The following BEGAIN variants were observed in gnomAD, a reference collection of about 807,000 sequenced individuals.
The protein encoded by BEGAIN is brain enriched guanylate kinase associated.
BEGAIN carries 19 observed loss-of-function variants against 35.8 expected under a neutral mutation model. That is an observed-to-expected ratio of 0.53 (90% CI 0.37 to 0.78). The LOEUF is 0.78. Among genes scored for constraint, BEGAIN ranks in the 30% least tolerant of loss-of-function variants. BEGAIN has a pLI of 0.00. For missense variants in BEGAIN, 795 were observed against 853.6 expected, an observed-to-expected ratio of 0.93 and a Z score of 0.85; for synonymous variants, 462 against 388.6, an observed-to-expected ratio of 1.19 and a Z score of -2.22.
chr14:100,561,519 C>A (rs1288563809), intron 2 of BEGAIN, among the ~76,000 whole-genome samples: 1 of 152,114 alleles, frequency 6.6e-6, no homozygotes, highest in Non-Finnish European at 1.5e-5. Flanking sequence ...GAGGCCGAGG[C>A]AGGAGGATCA....
chr14:100,559,913 G>A (rs1034109719), intron 2 of BEGAIN, among the ~76,000 whole-genome samples: 6 of 152,242 alleles, frequency 3.9e-5, no homozygotes, highest in Non-Finnish European at 7.3e-5. Flanking sequence ...GGGAGGCGCC[G>A]GGGCCGAGGA....
chr14:100,560,262 C>T (rs1007948980), intron 2 of BEGAIN, among the ~76,000 whole-genome samples: 5 of 152,298 alleles, frequency 3.3e-5, no homozygotes, highest in Non-Finnish European at 7.4e-5. Flanking sequence ...ATCATCCCGG[C>T]GGCCCTACCG....
intron 1 of BEGAIN, among the ~76,000 whole-genome samples, chr14:100,582,068 A>AG (rs1477130217): frequency 1.3e-5 from 2 of 152,258 alleles, no homozygotes; most frequent in African/African-American, 4.8e-5. Context: ...GCCGCAGCAT[A>AG]GGCCAGCAGA....
intron 1 of BEGAIN, among the ~76,000 whole-genome samples, chr14:100,570,830 C>G (rs1358060885): frequency 6.6e-6 from 1 of 152,210 alleles, no homozygotes; most frequent in African/African-American, 2.4e-5. Flanking sequence ...TTTCGTGAGA[C>G]CCTTACTACG....
Position 100,568,572 on chromosome 14 carries a change from T to A in BEGAIN, c.43-633A>T. 2 of 1,238,570 alleles carry A rather than the reference T, an allele frequency of 1.6e-6. No individual in the cohort carries two copies. The highest frequency in any genetic ancestry group is 2.1e-6 in the Non-Finnish European group (2 of 950,214). The allele number at this position is 1,238,570 out of a possible 1,614,324, so 76.7% of individuals were successfully genotyped here. On this transcript the variant is annotated intron_variant, in intron 1 of 6. Coordinates refer to ENST00000554140, the MANE Select transcript of BEGAIN (RefSeq NM_001385089.1). The surrounding 1 kb of genome is among the most constrained non-coding windows in gnomAD (Gnocchi z 7.5). The stretch of plus-strand genomic sequence containing the variant: ...AGGGATTAACCCGTGAGCGCCCGGC[T>A]CGCCGGCGGGGCTCCCTGCCTTGCT...
Position 100,546,623 on chromosome 14 carries a change from C to G in BEGAIN, c.111G>C (p.Leu37=), listed in dbSNP as rs1259253714. 6.3e-7 allele frequency: 1 copy of G among 1,585,148 alleles called. No individual in the cohort carries two copies. The highest frequency in any genetic ancestry group is 8.5e-7 in the Non-Finnish European group (1 of 1,169,828). Residue 37 remains leucine, a synonymous_variant, in exon 3 of 7, where the codon CTG becomes CTC. Transcript: ENST00000554140. ...QEQKGELRKR[L]SYTTHKLEKL... ...TCTCGAGCTTGTGTGTGGTGTAGGA[C>G]AGCCGCTTGCGCAGCTCGCCCTTCT...
At chr14:100,546,778 GCGCACACA>G (rs67458771) in intron 2 of BEGAIN, 116 bp from the exon 3 acceptor site, 6,224 of 541,208 alleles carry the variant, frequency 0.012, 24 homozygotes, top group Middle Eastern at 0.031. Context: ...GCGCGCGCGC[GCGCACACA>G]CACACACACA....
intron 2 of BEGAIN, among the ~76,000 whole-genome samples, chr14:100,566,514 TC>T (rs573918233): frequency 6.6e-6 from 1 of 151,614 alleles, no homozygotes; most frequent in Non-Finnish European, 1.5e-5. Context: ...CAGTGTTTCC[TC>T]CCCCCCACAG....
rs1184886261 is a variant in BEGAIN, at chr14:100,567,302, A to C, written c.71+609T>G. Among the ~76,000 whole-genome samples, 1 of 152,158 alleles carries C rather than the reference A, an allele frequency of 6.6e-6. No homozygotes were observed. Among genetic ancestry groups the C allele is most frequent in the Non-Finnish European group, 1.5e-5 (1 of 68,002 alleles). The stretch of plus-strand genomic sequence containing the variant: ...GGTCCCGTGAAGTCTACCAAGGCTT[A>C]AAGTTTGGCACCGGGAGGGAGGCCG... On this transcript the variant is annotated intron_variant, in intron 2 of 6. Coordinates refer to ENST00000554140, the MANE Select transcript of BEGAIN (RefSeq NM_001385089.1). This position sits in a 1 kb window ranked among gnomAD's most constrained non-coding sequence, Gnocchi z 5.1.
In BEGAIN at chr14:100,543,936, C is replaced by A; in HGVS notation, c.330G>T (p.Ala110=). The change falls in exon 5 of 7, where the codon GCG becomes GCT. Residue 110 remains alanine (A), a synonymous_variant. Transcript: ENST00000554140. ...MGQHYEEEKR[A]LSHEIVALNS... is the part of the protein sequence containing the mutation. ...TGAGGGCAACAATCTCGTGGCTCAGCGCACGCTTCTCCTCCTCATAGTGCT... is the reference window on the plus strand; with the variant it reads ...TGAGGGCAACAATCTCGTGGCTCAGAGCACGCTTCTCCTCCTCATAGTGCT... The A allele has an allele frequency of 6.2e-7, 1 of 1,612,406 alleles. No homozygotes were observed. The highest frequency in any genetic ancestry group is 8.5e-7 in the Non-Finnish European group (1 of 1,179,400).
At chr14:100,550,696 G>T (rs945607367) in intron 2 of BEGAIN, among the ~76,000 whole-genome samples, 1 of 152,152 alleles carries the variant, frequency 6.6e-6, no homozygotes, top group Non-Finnish European at 1.5e-5. Flanking sequence ...GGGGATGTGG[G>T]TACCAGAGAA....
chr14:100,584,465 C>T (rs992226606), intron 1 of BEGAIN, among the ~76,000 whole-genome samples: 2 of 152,140 alleles, frequency 1.3e-5, no homozygotes, highest in South Asian at 4.1e-4. Context: ...ACTGTGGACT[C>T]GTGGAGGGCA....
chr14:100,583,795 C>G (rs2035376551), intron 1 of BEGAIN, among the ~76,000 whole-genome samples: 1 of 148,250 alleles, frequency 6.7e-6, no homozygotes, highest in Non-Finnish European at 1.5e-5. Flanking sequence ...CTCCTGGGTT[C>G]AAGCAATTCT....
At chr14:100,546,436 G>A (rs1193390470) in intron 3 of BEGAIN, 65 bp downstream of exon 3, 2 of 75,662 alleles carry the variant, frequency 2.6e-5, no homozygotes, top group Non-Finnish European at 4.3e-5. Flanking sequence ...CCCGGCCCTC[G>A]CCCCGCCCCG....
intron 2 of BEGAIN, chr14:100,550,614 G>C (rs1290008729): frequency 1.3e-5 from 5 of 397,874 alleles, no homozygotes; most frequent in Non-Finnish European, 2.2e-5. Flanking sequence ...CCTTGGCTGA[G>C]ACCGAGAGAG....
chr14:100,570,496 G>A (rs903790388), intron 1 of BEGAIN, among the ~76,000 whole-genome samples: 2 of 152,228 alleles, frequency 1.3e-5, no homozygotes, highest in African/African-American at 4.8e-5. Flanking sequence ...TATCCTCCAT[G>A]CGGCCCTCTG....
chr14:100,580,844 G>C (rs1176556931), intron 1 of BEGAIN, among the ~76,000 whole-genome samples: 1 of 152,190 alleles, frequency 6.6e-6, no homozygotes, highest in Non-Finnish European at 1.5e-5. Flanking sequence ...GGTTCAGGCT[G>C]TCAGTTCACA....
At position 100,573,480 on chromosome 14, in the gene BEGAIN, G is replaced by A. The variant is rs2035134979; in HGVS notation, c.43-5541C>T. On this transcript the variant is annotated intron_variant, in intron 1 of 6. Transcript: ENST00000554140. The surrounding 1 kb of genome is among the most constrained non-coding windows in gnomAD (Gnocchi z 4.2). ...GCCATGAGGTGGATGGGAGCCCCTG[G>A]AGGGATGAATGGGGGCGTCTCTGGC... is the stretch of plus-strand genomic sequence containing the variant. Among the ~76,000 whole-genome samples the A allele has an allele frequency of 6.6e-6, 1 of 152,132 alleles. No homozygotes were observed. The highest frequency in any genetic ancestry group is 2.1e-4 in the South Asian group (1 of 4,828).
In BEGAIN at chr14:100,538,220, G is replaced by C; in HGVS notation, c.1588C>G (p.Pro530Ala). Residue 530 changes from proline to alanine, a missense_variant, in exon 7 of 7, where the codon CCC (proline) becomes GCC (alanine). Pro to Ala is a conservative substitution (Grantham distance 27). This residue lies in a region of BEGAIN where 664 missense variants were observed against 647.7 expected (regional missense o/e 1.03). Coordinates refer to ENST00000554140, the MANE Select transcript of BEGAIN (RefSeq NM_001385089.1). ...LSPGRSADPL[P>A]GYAPSEGGDG... ...CCCCCCTCGCTGGGTGCATAGCCGG[G>C]CAGTGGGTCAGCCGAGCGGCCGGGA... The C allele has an allele frequency of 1.3e-6, 2 of 1,567,448 alleles. No homozygotes were observed. The highest frequency in any genetic ancestry group is 1.7e-6 in the Non-Finnish European group (2 of 1,162,744).
Sources: allele counts gnomAD v4.1 joint callset (sites outside exome capture counted in the v4.1 genomes callset), GRCh38; gene constraint gnomAD v4.1.1; regional missense constraint gnomAD v4.1.1; non-coding constraint Gnocchi (gnomAD v3.1); transcripts MANE v1.5; gene names NCBI Gene and HGNC (gene_info 2026-07-23, HGNC 2026-07-21).